CDC14B: variants seen among roughly 807,000 people sequenced by gnomAD.
CDC14B encodes cell division cycle 14B.
In CDC14B, 22 loss-of-function variants were observed where a neutral mutation model predicts 64.2. The observed-to-expected ratio is 0.34, with a 90% CI of 0.24 to 0.49. The LOEUF (loss-of-function observed/expected upper bound fraction) is 0.49, where lower values mean the gene tolerates loss of function less well. Ranked by LOEUF, CDC14B falls within the 20% of genes least tolerant of loss-of-function variation. CDC14B has a pLI of 0.99. For missense variants in CDC14B, 498 were observed against 629.9 expected (o/e 0.79, Z 2.24); for synonymous variants, 191 against 215.8 (o/e 0.89, Z 1.01).
chr9:96,503,542 G>C lies in CDC14B; in HGVS notation c.*211C>G, dbSNP rs1833735079. 3.5e-6 allele frequency: 2 copies of C among 567,102 alleles called. No homozygotes were observed. Among genetic ancestry groups the C allele is most frequent in the Non-Finnish European group, 3.1e-6 (1 of 322,932 alleles). The allele number at this position is 567,102 out of a possible 1,614,324, so 35.1% of individuals were successfully genotyped here. On this transcript the variant is annotated 3_prime_UTR_variant, in exon 14 of 14. Transcript: ENST00000375241. ...CAACAGCATGTTTGTCATTCAGCTTGAGAGCTGGACCCTTCTCTGAGTCAT... is the reference window on the plus strand; with the variant it reads ...CAACAGCATGTTTGTCATTCAGCTTCAGAGCTGGACCCTTCTCTGAGTCAT...
At chr9:96,493,947 T>G (rs1833152752) in intron 13 of CDC14B, among the ~76,000 whole-genome samples, 1 of 152,162 alleles carries the variant, frequency 6.6e-6, no homozygotes, top group Non-Finnish European at 1.5e-5. Flanking sequence ...GGCGCTCCCC[T>G]CCACGCCAGT....
chr9:96,614,876 T>G (rs1364943526), intron 1 of CDC14B, among the ~76,000 whole-genome samples: 11 of 152,214 alleles, frequency 7.2e-5, no homozygotes. Context: ...AGTCTCACTC[T>G]GTCACCCAGG....
chr9:96,496,641 TGACCCCG>T (rs1833255279), downstream of CDC14B, among the ~76,000 whole-genome samples: 1 of 152,164 alleles, frequency 6.6e-6, no homozygotes, highest in Non-Finnish European at 1.5e-5. Context: ...GGGTCCCGGC[TGACCCCG>T]CAATCCAGGC....
chr9:96,619,281 C>T lies in CDC14B; in HGVS notation c.98G>A (p.Ser33Asn). The change falls in exon 1 of 14, where the codon AGC becomes AAC. Residue 33 changes from serine (S) to asparagine (N), a missense_variant. Physicochemically the swap from Ser to Asn is conservative, Grantham distance 46 (BLOSUM62 1). Coordinates refer to ENST00000375241, the MANE Select transcript of CDC14B (RefSeq NM_033331.4). ...STSPGVKKIR[S>N]STQQDPRRRD... ...GCGGCGCGGGTCTTGCTGCGTGGAGCTGCGGATCTTCTTCACACCCGGCGA... is the reference window on the plus strand; with the variant it reads ...GCGGCGCGGGTCTTGCTGCGTGGAGTTGCGGATCTTCTTCACACCCGGCGA... The T allele has an allele frequency of 7.4e-7, 1 of 1,355,196 alleles. No individual in the cohort carries two copies. The highest frequency in any genetic ancestry group is 2.8e-5 in the East Asian group (1 of 35,276). The allele number at this position is 1,355,196 out of a possible 1,614,324, so 83.9% of individuals were successfully genotyped here. A position where few individuals can be genotyped will look rare whatever the true frequency, so the allele number is the denominator to read the frequency against.
At chr9:96,617,822 C>T (rs1847728377) in intron 1 of CDC14B, among the ~76,000 whole-genome samples, 1 of 152,168 alleles carries the variant, frequency 6.6e-6, no homozygotes, top group African/African-American at 2.4e-5. Context: ...AATTAAATCC[C>T]ATTCAACACA....
At position 96,501,748 on chromosome 9, in the gene CDC14B, G is replaced by A. The variant is rs1486055427; in HGVS notation, c.*2005C>T. On this transcript the variant is annotated 3_prime_UTR_variant, in exon 14 of 14. Coordinates refer to ENST00000375241, the MANE Select transcript of CDC14B (RefSeq NM_033331.4). Reference sequence around the variant, plus strand: ...GAGGCAGTTTATAAAATGAAAAAGGGCTGTGGTTCCAGTGACACCCTTTCT... The same window carrying A: ...GAGGCAGTTTATAAAATGAAAAAGGACTGTGGTTCCAGTGACACCCTTTCT... The A allele has an allele frequency of 6.6e-6, 1 of 152,260 alleles. No homozygotes were observed. Among genetic ancestry groups the A allele is most frequent in the Non-Finnish European group, 1.5e-5 (1 of 68,042 alleles). 9.4% of individuals were successfully genotyped at this position (152,260 alleles called of 1,614,324 possible). A position where few individuals can be genotyped will look rare whatever the true frequency, so the allele number is the denominator to read the frequency against.
At chr9:96,560,673 A>G (rs1355313436) in intron 4 of CDC14B, among the ~76,000 whole-genome samples, 1 of 134,256 alleles carries the variant, frequency 7.4e-6, no homozygotes, top group Non-Finnish European at 1.5e-5. Context: ...AACCTCTGCC[A>G]CCCAGGTTCA....
intron 5 of CDC14B, 64 bp downstream of exon 5, chr9:96,551,732 A>T: frequency 1.3e-6 from 2 of 1,575,362 alleles, no homozygotes; most frequent in Non-Finnish European, 1.7e-6. Context: ...TTCAGAAACA[A>T]CTATCAAGAT....
intron 12 of CDC14B, among the ~76,000 whole-genome samples, chr9:96,520,012 T>A (rs12115715): frequency 0.014 from 2,180 of 152,218 alleles, 54 homozygotes; most frequent in African/African-American, 0.049. Flanking sequence ...AATAACAACA[T>A]AGACACAAGA....
chr9:96,506,859 CCCTT>C (rs1834189827), intron 13 of CDC14B, among the ~76,000 whole-genome samples: 1 of 152,206 alleles, frequency 6.6e-6, no homozygotes, highest in African/African-American at 2.4e-5. Flanking sequence ...GCAAGGCCAG[CCCTT>C]CCTTCCTCAC....
chr9:96,506,447 G>A (rs1587724631), intron 13 of CDC14B, among the ~76,000 whole-genome samples: 1 of 152,178 alleles, frequency 6.6e-6, no homozygotes, highest in African/African-American at 2.4e-5. Context: ...GCTGTAGGTG[G>A]ATAACAGGTA....
intron 1 of CDC14B, among the ~76,000 whole-genome samples, chr9:96,568,862 A>C (rs151263117): frequency 1.3e-3 from 194 of 152,178 alleles, no homozygotes; most frequent in African/African-American, 3.7e-3. Flanking sequence ...GGTTGCAGTG[A>C]GCCAAGATCA....
downstream of CDC14B, chr9:96,496,212 G>A (rs114498780): frequency 4.3e-4 from 196 of 456,798 alleles, no homozygotes; most frequent in African/African-American, 3.8e-3. Flanking sequence ...CGCACCTGCT[G>A]AGAGGCTTCA....
At chr9:96,513,050 A>G (rs1162177364) in intron 12 of CDC14B, among the ~76,000 whole-genome samples, 5 of 152,180 alleles carry the variant, frequency 3.3e-5, no homozygotes, top group African/African-American at 1.2e-4. Flanking sequence ...ACAAGACACT[A>G]CTGCTAAATC....
rs889270769 is a variant in CDC14B at position 96,619,511 on chromosome 9, C to G, written c.-133G>C. The G allele has an allele frequency of 1.9e-5, 5 of 264,918 alleles. No homozygotes were observed. Among genetic ancestry groups the G allele is most frequent in the Admixed American group, 6.7e-5 (1 of 14,844 alleles). The allele number at this position is 264,918 out of a possible 1,614,324, so 16.4% of individuals were successfully genotyped here. On this transcript the variant is annotated 5_prime_UTR_variant, in exon 1 of 14. Coordinates refer to ENST00000375241, the MANE Select transcript of CDC14B (RefSeq NM_033331.4). ...AGCGGCGCTGCGGGGACGGCGGGCGCCGGCAGAGCCCGGCGGGAGGCGGTC... is the reference window on the plus strand; with the variant it reads ...AGCGGCGCTGCGGGGACGGCGGGCGGCGGCAGAGCCCGGCGGGAGGCGGTC...
intron 12 of CDC14B, among the ~76,000 whole-genome samples, chr9:96,518,290 G>A (rs1836061778): frequency 6.6e-6 from 1 of 152,110 alleles, no homozygotes; most frequent in East Asian, 1.9e-4. Flanking sequence ...GCTGAGGCGG[G>A]CAGATCACGA....
chr9:96,568,922 GA>G (rs61084994), intron 1 of CDC14B, among the ~76,000 whole-genome samples: 83 of 134,166 alleles, frequency 6.2e-4, no homozygotes, highest in Admixed American at 1.7e-3. Context: ...CATCTCAAAA[GA>G]AAAAAAAAAA....
At chr9:96,532,003 A>G (rs7866422) in intron 9 of CDC14B, among the ~76,000 whole-genome samples, 17,434 of 152,156 alleles carry the variant, frequency 0.11, 3,310 homozygotes, top group African/African-American at 0.39. Context: ...ATGTTATTAT[A>G]TCCAAGGTTT....
intron 4 of CDC14B, among the ~76,000 whole-genome samples, chr9:96,556,343 TA>T (rs567423465): frequency 2.3e-4 from 34 of 147,108 alleles, no homozygotes; most frequent in Middle Eastern, 6.9e-3. Flanking sequence ...GATTGATTAT[TA>T]AAAAAAAAAA....
Sources: allele counts gnomAD v4.1 joint callset (sites outside exome capture counted in the v4.1 genomes callset), GRCh38; gene constraint gnomAD v4.1.1; transcripts MANE v1.5; gene names NCBI Gene and HGNC (gene_info 2026-07-23, HGNC 2026-07-21).